SERF2: variants seen among roughly 807,000 people sequenced by gnomAD.
SERF2 encodes small EDRK-rich factor 2.
SERF2 carries 4 observed loss-of-function variants against 10.7 expected under a neutral mutation model. That is an observed-to-expected ratio of 0.37 (90% CI 0.18 to 0.86). The LOEUF is 0.86. SERF2 is among the 40% of genes least tolerant of loss of function. The pLI is 0.43. For missense variants in SERF2, 47 were observed against 79.1 expected, an observed-to-expected ratio of 0.59 and a Z score of 1.54; for synonymous variants, 26 against 26.0, an observed-to-expected ratio of 1.00 and a Z score of 0.01.
At chr15:43,793,283 G>A (rs2141681577) in intron 2 of SERF2, 200 bp downstream of exon 2, 1 of 568,632 alleles carries the variant, frequency 1.8e-6, no homozygotes, top group South Asian at 2.4e-5. Flanking sequence ...GGGGGCGGGC[G>A]CCTGCCCTCA....
At chr15:43,782,474 C>T in intron 1 of SERF2, among the ~76,000 whole-genome samples, 1 of 152,152 alleles carries the variant, frequency 6.6e-6, no homozygotes, top group South Asian at 2.1e-4. Context: ...ATACCCTCTT[C>T]TAGGAGTATA....
At chr15:43,789,329 A>C (rs1306907084), upstream of SERF2, among the ~76,000 whole-genome samples, 3 of 151,974 alleles carry the variant, frequency 2.0e-5, no homozygotes, top group Non-Finnish European at 2.9e-5. Flanking sequence ...CTACACAATA[A>C]TCCTGTGGCT....
intron 1 of SERF2, among the ~76,000 whole-genome samples, chr15:43,778,449 G>A (rs1405517675): frequency 6.6e-6 from 1 of 151,632 alleles, no homozygotes; most frequent in Non-Finnish European, 1.5e-5. Flanking sequence ...GCTGAAGCAG[G>A]AGGATCGCTT....
chr15:43,781,579 G>C lies in SERF2; in HGVS notation c.-526-3831G>C, dbSNP rs867377227. Among the ~76,000 whole-genome samples, 3 of 148,238 alleles carry C rather than the reference G, an allele frequency of 2.0e-5. 1 individual carries two copies. The South Asian group carries it at 6.4e-4, about 32-fold the overall frequency. On this transcript the variant is annotated intron_variant, in intron 1 of 4. Coordinates refer to the SERF2 transcript ENST00000381359. Reference sequence around the variant, plus strand: ...AACAAAAGAAAAACTTATTGTTTATGTCTGCATTTTTCCTTTTTTTTTTTT... The same window carrying C: ...AACAAAAGAAAAACTTATTGTTTATCTCTGCATTTTTCCTTTTTTTTTTTT...
chr15:43,780,439 G>GTTTTTA (rs2086955631), intron 1 of SERF2, among the ~76,000 whole-genome samples: 1 of 152,196 alleles, frequency 6.6e-6, no homozygotes, highest in African/African-American at 2.4e-5. Flanking sequence ...ACCGCGCCCT[G>GTTTTTA]CGATCTTGAC....
In SERF2 at chr15:43,793,376, C is replaced by T. The variant is rs1472828228; in HGVS notation, c.116+293C>T. ...ATTTCAAATACAGTTGTGGTTACGG[C>T]AGCCCAGTACTTTTGGCCCTCCTTG... On this transcript the variant is annotated intron_variant, in intron 2 of 2. Transcript: ENST00000249786. 4 of 592,778 alleles carry T rather than the reference C, an allele frequency of 6.7e-6. No homozygotes were observed. The Admixed American group carries it at 9.4e-5, about 14-fold the overall frequency. 36.7% of individuals were successfully genotyped at this position (592,778 alleles called of 1,614,324 possible).
chr15:43,791,651 A>G (rs181500691), upstream of SERF2, among the ~76,000 whole-genome samples: 4 of 152,244 alleles, frequency 2.6e-5, no homozygotes, highest in African/African-American at 9.6e-5. Flanking sequence ...CCAACTCCAT[A>G]GTCTGTGACT....
chr15:43,792,211 C>G (rs2087074653), upstream of SERF2: 1 of 672,400 alleles, frequency 1.5e-6, no homozygotes, highest in Admixed American at 2.2e-5. Flanking sequence ...CAAGCACGAC[C>G]CGTGGATCCA....
chr15:43,795,400 G>T lies in SERF2; in HGVS notation c.*1627G>T. On this transcript the variant is annotated 3_prime_UTR_variant, in exon 3 of 3. Transcript: ENST00000249786. ...CACTCCATCTTACCTGAACCAGTTG[G>T]TAAGGGTAACCATGACATAGAGTGA... is the stretch of plus-strand genomic sequence containing the variant. 6.2e-7 allele frequency: 1 copy of T among 1,614,176 alleles called. No homozygotes were observed. The highest frequency in any genetic ancestry group is 8.5e-7 in the Non-Finnish European group (1 of 1,180,026).
intron 2 of SERF2, 169 bp downstream of exon 2, chr15:43,793,252 C>T (rs1230293108): frequency 1.0e-5 from 6 of 594,426 alleles, no homozygotes; most frequent in African/African-American, 5.6e-5. Flanking sequence ...ATTGTTAGCT[C>T]ACAGCCTTAC....
At position 43,793,250 on chromosome 15, in the gene SERF2, C is replaced by T. The variant is rs774201659; in HGVS notation, c.116+167C>T. 387 of 596,908 alleles carry T rather than the reference C, an allele frequency of 6.5e-4. 1 individual carries two copies. The highest frequency in any genetic ancestry group is 8.3e-4 in the Non-Finnish European group (278 of 333,376). 37.0% of individuals were successfully genotyped at this position (596,908 alleles called of 1,614,324 possible). On this transcript the variant is annotated intron_variant, in intron 2 of 2. Coordinates refer to ENST00000249786, the MANE Select transcript of SERF2 (RefSeq NM_001018108.4). Reference sequence around the variant, plus strand: ...TCCTCCCCACCCTCCAAATTGTTAGCTCACAGCCTTACAGGAAAGGACGGG... The same window carrying T: ...TCCTCCCCACCCTCCAAATTGTTAGTTCACAGCCTTACAGGAAAGGACGGG...
At chr15:43,780,861 G>C (rs974584877) in intron 1 of SERF2, among the ~76,000 whole-genome samples, 1 of 152,134 alleles carries the variant, frequency 6.6e-6, no homozygotes, top group Non-Finnish European at 1.5e-5. Flanking sequence ...AGCAAAACTG[G>C]CATGAGTTTT....
At chr15:43,793,676 G>T in intron 2 of SERF2, 34 bp from the exon 3 acceptor site, 2 of 1,613,814 alleles carry the variant, frequency 1.2e-6, no homozygotes, top group Non-Finnish European at 1.7e-6. Flanking sequence ...TTGCCCTCTG[G>T]TACCTCCCAG....
chr15:43,795,801 T>G lies in SERF2; in HGVS notation c.*2028T>G, dbSNP rs1274782956. On this transcript the variant is annotated 3_prime_UTR_variant, in exon 3 of 3. Coordinates refer to ENST00000249786, the MANE Select transcript of SERF2 (RefSeq NM_001018108.4). ...ATGTGAGGGTGTTAATCTAGGAAAC[T>G]TCCCCCGTGAAAAGATTGGTCTAGT... 2 of 1,536,090 alleles carry G rather than the reference T, an allele frequency of 1.3e-6. No individual in the cohort carries two copies. Among genetic ancestry groups the G allele is most frequent in the Non-Finnish European group, 1.8e-6 (2 of 1,124,316 alleles).
intron 1 of SERF2, 83 bp from the exon 2 acceptor site, chr15:43,792,892 C>A: frequency 1.0e-6 from 1 of 1,004,628 alleles, no homozygotes; most frequent in Non-Finnish European, 1.5e-6. Flanking sequence ...TTGGATCCTG[C>A]TGCTGGCCGC....
chr15:43,788,038 C>A (rs769125034), upstream of SERF2, among the ~76,000 whole-genome samples: 22 of 151,958 alleles, frequency 1.4e-4, no homozygotes, highest in Non-Finnish European at 2.1e-4. Context: ...CCATGCCTGG[C>A]TAATTTTTGT....
intron 1 of SERF2, among the ~76,000 whole-genome samples, chr15:43,779,282 A>G (rs3862143): frequency 0.81 from 123,485 of 152,018 alleles, 50,482 homozygotes; most frequent in East Asian, 1. Context: ...TGAGAGAGAG[A>G]ATGAGGGAGG....
At chr15:43,789,824 A>G (rs944906265), upstream of SERF2, among the ~76,000 whole-genome samples, 6 of 151,964 alleles carry the variant, frequency 3.9e-5, no homozygotes, top group East Asian at 5.8e-4. Flanking sequence ...CCTGGCCAAC[A>G]TGGTGAAACC....
At chr15:43,788,105 C>A (rs1370956674), upstream of SERF2, among the ~76,000 whole-genome samples, 1 of 152,092 alleles carries the variant, frequency 6.6e-6, no homozygotes, top group Non-Finnish European at 1.5e-5. Flanking sequence ...GAACTCCTGA[C>A]CTCAAGAGAT....
Sources: allele counts gnomAD v4.1 joint callset (sites outside exome capture counted in the v4.1 genomes callset), GRCh38; gene constraint gnomAD v4.1.1; transcripts MANE v1.5; gene names NCBI Gene and HGNC (gene_info 2026-07-23, HGNC 2026-07-21).